The following PLA2G3 variants were observed in gnomAD, a reference collection of about 807,000 sequenced individuals.
PLA2G3 encodes the protein group 3 secretory phospholipase A2.
Under a neutral mutation model 51.3 loss-of-function variants are expected in PLA2G3, and 39 were observed. The ratio of observed to expected loss-of-function variants is 0.76; its 90% confidence interval spans 0.59 to 0.99. The LOEUF (loss-of-function observed/expected upper bound fraction) is 0.99. Among genes scored for constraint, PLA2G3 ranks in the 50% least tolerant of loss-of-function variants. The pLI is 0.00. For missense variants in PLA2G3, 677 were observed against 662.1 expected (o/e 1.02, Z -0.25); for synonymous variants, 293 against 263.1 (o/e 1.11, Z -1.10).
chr22:31,138,624 T>TGG, intron 2 of PLA2G3, 43 bp downstream of exon 2: 1 of 1,612,258 alleles, frequency 6.2e-7, no homozygotes, highest in Non-Finnish European at 8.5e-7. Flanking sequence ...TGGGTAACTC[T>TGG]GCCCTGTCCC....
chr22:31,137,645 C>A, intron 4 of PLA2G3, 65 bp downstream of exon 4: 1 of 1,442,534 alleles, frequency 6.9e-7, no homozygotes, highest in African/African-American at 1.4e-5. Context: ...CACATGGCCA[C>A]CCCTAAACAG....
Position 31,138,479 on chromosome 22 carries a change from T to A in PLA2G3, c.648-69A>T, listed in dbSNP as rs1414113010. The A allele has an allele frequency of 3.2e-6, 5 of 1,581,364 alleles. No individual in the cohort carries two copies. The African/African-American group carries it at 6.7e-5, about 21-fold the overall frequency. On this transcript the variant is annotated intron_variant, in intron 2 of 6. Coordinates refer to ENST00000215885, the MANE Select transcript of PLA2G3 (RefSeq NM_015715.5). Reference sequence around the variant, plus strand: ...GTCTGGCTCCTCCCACAGCCCACTGTGCCACTACCAGCTGGGTGGTTTGGG... The same window carrying A: ...GTCTGGCTCCTCCCACAGCCCACTGAGCCACTACCAGCTGGGTGGTTTGGG...
In PLA2G3 at chr22:31,137,840, TG is replaced by T. The variant is rs766884132; in HGVS notation, c.935del (p.Pro312HisfsTer41). 113 of 1,613,978 alleles carry T rather than the reference TG, an allele frequency of 7.0e-5. 1 individual carries two copies. Among genetic ancestry groups the T allele is most frequent in the Non-Finnish European group, 9.2e-5 (109 of 1,180,004 alleles). On this transcript the variant is annotated frameshift_variant, in exon 4 of 7. Coordinates refer to ENST00000215885, the MANE Select transcript of PLA2G3 (RefSeq NM_015715.5). LOFTEE classifies it high-confidence loss of function. ...GGCGCTTGGACCCTTTCTGATGTGG[TG>T]GCCCCTTCCGAAGGTGCTGCTTCTG... ...PRQKQHLRKG[P>X]PHQKGSKRPS...
At position 31,138,098 on chromosome 22, in the gene PLA2G3, T is replaced by C. The variant is rs572453841; in HGVS notation, c.783-105A>G. The C allele has an allele frequency of 4.3e-4, 588 of 1,366,744 alleles. 2 individuals carry two copies. The highest frequency in any genetic ancestry group is 5.9e-4 in the Admixed American group (24 of 40,592). The allele number at this position is 1,366,744 out of a possible 1,614,324, so 84.7% of individuals were successfully genotyped here. A position where few individuals can be genotyped will look rare whatever the true frequency, so the allele number is the denominator to read the frequency against. On this transcript the variant is annotated intron_variant, in intron 3 of 6. Transcript: ENST00000215885. ...AATGCTCTGCCAGTCCCATCCCCCA[T>C]CCCGCTGGGTTGTGGGGGACACCCA... is the stretch of plus-strand genomic sequence containing the variant.
chr22:31,138,668 TG>T lies in PLA2G3; in HGVS notation c.645del (p.Arg216GlyfsTer137). Reference protein sequence around the residue: ...FHTISHCDCDTRFQQCLQNQH... With the variant: ...FHTISHCDCDXRFQQCLQNQH... ...GGGCCCTCGCTGCCTGCCACCAACCTGGTGTCACAGTCACAGTGGGAGATGG... is the reference window on the plus strand; with the variant it reads ...GGGCCCTCGCTGCCTGCCACCAACCTGTGTCACAGTCACAGTGGGAGATGG... On this transcript the variant is annotated frameshift_variant and splice_region_variant, in exon 2 of 7. Coordinates refer to ENST00000215885, the MANE Select transcript of PLA2G3 (RefSeq NM_015715.5). LOFTEE classifies it high-confidence loss of function. 2 of 1,614,098 alleles carry T rather than the reference TG, an allele frequency of 1.2e-6. No individual in the cohort carries two copies. The highest frequency in any genetic ancestry group is 1.7e-6 in the Non-Finnish European group (2 of 1,179,990).
chr22:31,138,310 G>T lies in PLA2G3; in HGVS notation c.748C>A (p.Gln250Lys). The T allele has an allele frequency of 1.9e-6, 3 of 1,613,842 alleles. No individual in the cohort carries two copies. The highest frequency in any genetic ancestry group is 2.5e-6 in the Non-Finnish European group (3 of 1,179,946). ...CAGTACCACGCCACACACGCCTCCTGCTCCTCCAGCACAAAGCAGGGGATC... is the reference window on the plus strand; with the variant it reads ...CAGTACCACGCCACACACGCCTCCTTCTCCTCCAGCACAAAGCAGGGGATC... ...LEIPCFVLEE[Q>K]EACVAWYWWG... Residue 250 changes from glutamine to lysine, a missense_variant, in exon 3 of 7, where the codon CAG becomes AAG. By Grantham distance (53) the Gln-to-Lys change is moderately conservative (BLOSUM62 1). Coordinates refer to ENST00000215885, the MANE Select transcript of PLA2G3 (RefSeq NM_015715.5).
chr22:31,135,477 T>C lies in PLA2G3; in HGVS notation c.*246A>G. 1.8e-6 allele frequency: 1 copy of C among 546,644 alleles called. No homozygotes were observed. Among genetic ancestry groups the C allele is most frequent in the Non-Finnish European group, 3.3e-6 (1 of 305,334 alleles). 33.9% of individuals were successfully genotyped at this position (546,644 alleles called of 1,614,324 possible). On this transcript the variant is annotated 3_prime_UTR_variant, in exon 7 of 7. Coordinates refer to ENST00000215885, the MANE Select transcript of PLA2G3 (RefSeq NM_015715.5). ...AAGGCCAAAGCCCAGGGCATCAGAA[T>C]GAGCTTCCTGAACACCACATCCAGG...
At chr22:31,138,227 C>T (rs1443338864) in intron 3 of PLA2G3, 49 bp downstream of exon 3, 1 of 1,599,272 alleles carries the variant, frequency 6.3e-7, no homozygotes, top group Non-Finnish European at 8.5e-7. Context: ...GGCTTGGAGC[C>T]TGGGCTCCCT....
At chr22:31,136,011 AGGCCCAGAGAGAGAGGGGGCTGG>A in intron 6 of PLA2G3, 75 bp from the exon 7 acceptor site, 1 of 1,244,302 alleles carries the variant, frequency 8.0e-7, no homozygotes, top group Non-Finnish European at 1.2e-6. Context: ...CAGTGGGCTG[AGGCCCAGAGAGAGAGGGGGCTGG>A]GGCCACAGTC....
intron 1 of PLA2G3, 36 bp from the exon 2 acceptor site, chr22:31,138,835 C>G: frequency 6.2e-7 from 1 of 1,611,726 alleles, no homozygotes; most frequent in Non-Finnish European, 8.5e-7. Context: ...ACCAACTCAG[C>G]AGGGTCCTAG....
At chr22:31,138,559 A>C in intron 2 of PLA2G3, 108 bp downstream of exon 2, 1 of 1,524,870 alleles carries the variant, frequency 6.6e-7, no homozygotes, top group Non-Finnish European at 9.0e-7. Flanking sequence ...TGTGGGGTCC[A>C]AGCTGGCTGA....
At chr22:31,139,158 C>A (rs1170755473) in intron 1 of PLA2G3, among the ~76,000 whole-genome samples, 1 of 152,196 alleles carries the variant, frequency 6.6e-6, no homozygotes, top group African/African-American at 2.4e-5. Context: ...GAATGGCAAA[C>A]AGGCAGGGTG....
At chr22:31,136,047 C>T in intron 6 of PLA2G3, 111 bp from the exon 7 acceptor site, 1 of 838,004 alleles carries the variant, frequency 1.2e-6, no homozygotes, top group South Asian at 1.6e-5. Context: ...CCACAGTCAC[C>T]AGCAAGGCAG....
intron 2 of PLA2G3, 120 bp downstream of exon 2, chr22:31,138,547 A>C (rs1166520448): frequency 6.7e-7 from 1 of 1,500,118 alleles, no homozygotes; most frequent in Non-Finnish European, 9.2e-7. Flanking sequence ...TCCTACCTGC[A>C]CTGTGGGGTC....
Position 31,136,934 on chromosome 22 carries a change from G to A in PLA2G3, c.1173C>T (p.Pro391=), listed in dbSNP as rs1602752723. The A allele has an allele frequency of 6.9e-6, 11 of 1,605,834 alleles. No homozygotes were observed. The highest frequency in any genetic ancestry group is 1.1e-5 in the South Asian group (1 of 90,246). ...GGCGCGTGCAGTTGCAGTGGAAGAG[G>A]GGCTCTTGGGCGCTGTTGAGCAGCT... ...EFQLLNSAQE[P]LFHCNCTRRL... Residue 391 remains proline, a synonymous_variant, in exon 5 of 7, where the codon CCC becomes CCT. Coordinates refer to ENST00000215885, the MANE Select transcript of PLA2G3 (RefSeq NM_015715.5).
At chr22:31,138,889 G>C in intron 1 of PLA2G3, 90 bp from the exon 2 acceptor site, 2 of 1,351,096 alleles carry the variant, frequency 1.5e-6, no homozygotes, top group Non-Finnish European at 2.1e-6. Context: ...AGAGGGCAGA[G>C]ACCTGGTTCT....
Position 31,137,027 on chromosome 22 carries a change from G to C in PLA2G3, c.1080C>G (p.Val360=). ...CCAGGTGGCGGCGGAAGCTGCGGCA[G>C]ACCCAGCGGGCACCTGAGGGGTGGA... ...GGLKPQGARW[V]CRSFRRHLDQ... is the part of the protein sequence containing the mutation. Residue 360 remains valine, a synonymous_variant, in exon 5 of 7, where the codon GTC becomes GTG. Coordinates refer to ENST00000215885, the MANE Select transcript of PLA2G3 (RefSeq NM_015715.5). 1.3e-6 allele frequency: 2 copies of C among 1,541,730 alleles called. No homozygotes were observed. Among genetic ancestry groups the C allele is most frequent in the Non-Finnish European group, 1.7e-6 (2 of 1,142,978 alleles).
chr22:31,137,948 C>A lies in PLA2G3; in HGVS notation c.828G>T (p.Arg276Ser). 1 of 1,604,844 alleles carries A rather than the reference C, an allele frequency of 6.2e-7. No individual in the cohort carries two copies. Among genetic ancestry groups the A allele is most frequent in the Non-Finnish European group, 8.5e-7 (1 of 1,176,008 alleles). The change falls in exon 4 of 7, where the codon AGG (arginine) becomes AGT (serine). Residue 276 changes from arginine (R) to serine (S), a missense_variant. Coordinates refer to ENST00000215885, the MANE Select transcript of PLA2G3 (RefSeq NM_015715.5). ...GTVPLARLQP[R>S]TFYNASWSSR... ...AGCTCCAGGAGGCATTGTAGAAGGT[C>A]CTGGGCTGCAGGCGAGCGAGGGGCA...
At position 31,139,876 on chromosome 22, in the gene PLA2G3, C is replaced by T; in HGVS notation, c.479G>A (p.Gly160Glu). ...GGAGTTCCCAGCAGAATCTCCAACT[C>T]CACACCACAGTGTGCCAGGCATGGT... is the stretch of plus-strand genomic sequence containing the variant. ...GWTMPGTLWC[G>E]VGDSAGNSSE... Residue 160 changes from glycine to glutamate, a missense_variant, in exon 1 of 7, where the codon GGA becomes GAA. By Grantham distance (98) the Gly-to-Glu change is moderately conservative. Coordinates refer to ENST00000215885, the MANE Select transcript of PLA2G3 (RefSeq NM_015715.5). 1.9e-6 allele frequency: 3 copies of T among 1,613,890 alleles called. No homozygotes were observed. Among genetic ancestry groups the T allele is most frequent in the Non-Finnish European group, 2.5e-6 (3 of 1,179,964 alleles).
Sources: allele counts gnomAD v4.1 joint callset (sites outside exome capture counted in the v4.1 genomes callset), GRCh38; gene constraint gnomAD v4.1.1; transcripts MANE v1.5; gene names NCBI Gene and HGNC (gene_info 2026-07-23, HGNC 2026-07-21).